TRPM3: variants seen among roughly 807,000 people sequenced by gnomAD.
TRPM3 encodes the protein long transient receptor potential channel 3.
In TRPM3, 77 loss-of-function variants were observed where a neutral mutation model predicts 181.2. That is an observed-to-expected ratio of 0.42 (90% CI 0.35 to 0.51). The LOEUF (loss-of-function observed/expected upper bound fraction) is 0.51, where lower values mean the gene tolerates loss of function less well. Ranked by LOEUF, TRPM3 falls within the 20% of genes least tolerant of loss-of-function variation. The pLI, the probability that TRPM3 is intolerant of heterozygous loss-of-function variation, is 0.01. For synonymous variants in TRPM3, 745 were observed against 796.4 expected (o/e 0.94, Z 1.09); for missense variants, 1,759 against 2,196.7 (o/e 0.80, Z 3.98).
intron 1 of TRPM3, among the ~76,000 whole-genome samples, chr9:70,928,096 A>G (rs1324861937): frequency 6.6e-6 from 1 of 152,124 alleles, no homozygotes; most frequent in Non-Finnish European, 1.5e-5. Context: ...AATAGGGAAA[A>G]ATGAAAGGAG....
At chr9:71,204,715 A>G (rs1228893101) in intron 1 of TRPM3, among the ~76,000 whole-genome samples, 1 of 152,198 alleles carries the variant, frequency 6.6e-6, no homozygotes, top group Non-Finnish European at 1.5e-5. Context: ...ATTATTGGGT[A>G]TATACCCAAA....
At position 70,843,059 on chromosome 9, in the gene TRPM3, T is replaced by C. The variant is rs1310258507; in HGVS notation, c.745A>G (p.Ile249Val). The change falls in exon 5 of 26, where the codon ATA (isoleucine) becomes GTA (valine). Residue 249 changes from isoleucine to valine, a missense_variant. Physicochemically the swap from Ile to Val is conservative, Grantham distance 29 (BLOSUM62 3). Transcript: ENST00000677713. ...ACAATTCCCCAGGGGGCAATACCTA[T>C]GGTGCATATCTTTCCTCGAGACTTA... ...ASKSRGKICT[I>V]GIAPWGIVEN... 4 of 1,613,644 alleles carry C rather than the reference T, an allele frequency of 2.5e-6. 1 individual carries two copies. The highest frequency in any genetic ancestry group is 1.3e-5 in the African/African-American group (1 of 74,834).
At chr9:70,743,647 A>C (rs1177585635) in intron 8 of TRPM3, among the ~76,000 whole-genome samples, 3 of 152,004 alleles carry the variant, frequency 2.0e-5, no homozygotes, top group African/African-American at 7.2e-5. Context: ...GGGGGCACTG[A>C]GGTCAGCCAG....
At chr9:71,070,932 G>T (rs2062680519) in intron 1 of TRPM3, among the ~76,000 whole-genome samples, 1 of 152,124 alleles carries the variant, frequency 6.6e-6, no homozygotes, top group Non-Finnish European at 1.5e-5. Context: ...TTTCTTATCA[G>T]CTCTAAGGTT....
intron 1 of TRPM3, among the ~76,000 whole-genome samples, chr9:71,325,374 T>A (rs933948343): frequency 1.3e-5 from 2 of 152,176 alleles, no homozygotes; most frequent in Non-Finnish European, 2.9e-5. Context: ...CTTTGAAGAC[T>A]GCTGGTATAC....
chr9:70,928,166 A>T (rs1168126755), intron 1 of TRPM3, among the ~76,000 whole-genome samples: 2 of 152,168 alleles, frequency 1.3e-5, no homozygotes, highest in Non-Finnish European at 2.9e-5. Flanking sequence ...TGACTTATGA[A>T]GTGGGTGACA....
At chr9:70,932,043 G>A (rs544712206) in intron 1 of TRPM3, among the ~76,000 whole-genome samples, 1 of 152,286 alleles carries the variant, frequency 6.6e-6, no homozygotes, top group African/African-American at 2.4e-5. Flanking sequence ...CTCAGGAATA[G>A]CAAAGGAGGA....
intron 22 of TRPM3, among the ~76,000 whole-genome samples, chr9:70,568,192 T>G (rs575555855): frequency 6.6e-6 from 1 of 152,348 alleles, no homozygotes; most frequent in Admixed American, 6.5e-5. Context: ...CATTCCAACA[T>G]GCACAGACAC....
intron 1 of TRPM3, among the ~76,000 whole-genome samples, chr9:71,139,547 A>T (rs887500530): frequency 4.6e-5 from 7 of 152,182 alleles, no homozygotes; most frequent in African/African-American, 1.4e-4. Flanking sequence ...AAGGGTAATA[A>T]AAGTAATGTC....
chr9:70,539,690 A>G (rs1269249799), intron 25 of TRPM3, among the ~76,000 whole-genome samples: 1 of 152,142 alleles, frequency 6.6e-6, no homozygotes, highest in African/African-American at 2.4e-5. Context: ...TCTGTCCTAT[A>G]AACATAGCCC....
At chr9:71,146,612 CT>C (rs1051972209) in intron 1 of TRPM3, among the ~76,000 whole-genome samples, 3 of 152,090 alleles carry the variant, frequency 2.0e-5, no homozygotes, top group African/African-American at 7.2e-5. Flanking sequence ...AACATACATC[CT>C]TCTTCTCCAT....
chr9:70,651,194 G>A (rs7046922), intron 9 of TRPM3, among the ~76,000 whole-genome samples: 133,166 of 152,186 alleles, frequency 0.88, 58,390 homozygotes, highest in Non-Finnish European at 0.91. Flanking sequence ...AAGGGAAAAA[G>A]TTTATTTAAT....
intron 1 of TRPM3, among the ~76,000 whole-genome samples, chr9:71,200,267 C>T (rs7866218): frequency 0.43 from 64,185 of 150,384 alleles, 14,104 homozygotes; most frequent in East Asian, 0.51. Context: ...TTCTTTTACA[C>T]TTGCTGAGGA....
At position 71,130,351 on chromosome 9, in the gene TRPM3, T is replaced by C. The variant is rs561317441; in HGVS notation, c.184-265840A>G. On this transcript the variant is annotated intron_variant, in intron 1 of 24. Transcript: ENST00000357533. ...ATCATTATTCATGAGTGAAAGATAATATTCTAGAAACTTATGACGTTTGTT... is the reference window on the plus strand; with the variant it reads ...ATCATTATTCATGAGTGAAAGATAACATTCTAGAAACTTATGACGTTTGTT... Among the ~76,000 whole-genome samples the C allele has an allele frequency of 5.3e-5, 8 of 152,270 alleles. No individual in the cohort carries two copies. The East Asian group carries it at 1.2e-3, about 22-fold the overall frequency.
chr9:71,252,847 C>CTCTCTTTTT (rs1554854926), intron 1 of TRPM3, among the ~76,000 whole-genome samples: 1 of 84,754 alleles, frequency 1.2e-5, no homozygotes, highest in Non-Finnish European at 2.1e-5. Context: ...AATTTTGTCT[C>CTCTCTTTTT]TTTTTTTTTT....
chr9:71,293,974 A>G (rs113195203), intron 1 of TRPM3, among the ~76,000 whole-genome samples: 2,607 of 151,970 alleles, frequency 0.017, 1 homozygote, highest in Middle Eastern at 0.061. Context: ...AAATCCATAT[A>G]AAACACAATA....
chr9:70,956,967 T>TC (rs2097081989), intron 1 of TRPM3, among the ~76,000 whole-genome samples: 3 of 150,590 alleles, frequency 2.0e-5, no homozygotes, highest in Admixed American at 6.6e-5. Flanking sequence ...CTTTCTTTTT[T>TC]TTTTTTTTTT....
At chr9:71,265,212 T>C (rs2083305975) in intron 1 of TRPM3, among the ~76,000 whole-genome samples, 2 of 152,326 alleles carry the variant, frequency 1.3e-5, no homozygotes, top group Admixed American at 6.5e-5. Context: ...TTTTAAAGTA[T>C]CAAAATTTTA....
chr9:70,866,109 G>A (rs1055244304), intron 1 of TRPM3, among the ~76,000 whole-genome samples: 5 of 152,134 alleles, frequency 3.3e-5, no homozygotes, highest in South Asian at 2.1e-4. Flanking sequence ...AAGCCTGTTC[G>A]CTAAACTATT....
Sources: gnomAD v4.1 joint callset for allele counts (sites outside exome capture counted in the v4.1 genomes callset) on GRCh38, gnomAD v4.1.1 for gene constraint, MANE v1.5 for transcripts, NCBI Gene and HGNC (gene_info 2026-07-23, HGNC 2026-07-21) for gene names.